Variants in TRPM3 observed in about 807,000 individuals in gnomAD.
TRPM3 encodes long transient receptor potential channel 3.
Under a neutral mutation model 181.2 loss-of-function variants are expected in TRPM3, and 77 were observed. The observed-to-expected ratio is 0.42, with a 90% confidence interval of 0.35 to 0.51. The LOEUF (loss-of-function observed/expected upper bound fraction) is 0.51, where lower values mean the gene tolerates loss of function less well. Among genes scored for constraint, TRPM3 ranks in the 20% least tolerant of loss-of-function variants. The probability of loss-of-function intolerance (pLI) is 0.01; values close to 1 mark genes in which losing one functional copy is unlikely to be tolerated. For synonymous variants in TRPM3, 745 were observed against 796.4 expected (o/e 0.94, Z 1.09); for missense variants, 1,759 against 2,196.7 (o/e 0.80, Z 3.98).
intron 1 of TRPM3, among the ~76,000 whole-genome samples, chr9:71,091,544 A>G (rs142095318): frequency 2.4e-4 from 37 of 152,232 alleles, no homozygotes; most frequent in Middle Eastern, 6.8e-3. Context: ...ACCTTGAGCC[A>G]CAAGAGGGGA....
intron 1 of TRPM3, among the ~76,000 whole-genome samples, chr9:71,311,906 A>T (rs1797218902): frequency 6.6e-6 from 1 of 152,182 alleles, no homozygotes; most frequent in African/African-American, 2.4e-5. Flanking sequence ...CAAAGATTCA[A>T]AAAATCTCAT....
intron 1 of TRPM3, among the ~76,000 whole-genome samples, chr9:70,911,732 T>C (rs1271803695): frequency 6.6e-6 from 1 of 152,176 alleles, no homozygotes; most frequent in South Asian, 2.1e-4. Flanking sequence ...GATTCTAGTT[T>C]CTAAATATGT....
intron 1 of TRPM3, among the ~76,000 whole-genome samples, chr9:70,988,202 A>G (rs2134094082): frequency 6.6e-6 from 1 of 152,312 alleles, no homozygotes; most frequent in African/African-American, 2.4e-5. Flanking sequence ...CTAGTGAATC[A>G]GAGCCTAGAA....
intron 1 of TRPM3, among the ~76,000 whole-genome samples, chr9:71,079,788 C>T (rs1254403151): frequency 6.6e-6 from 1 of 152,056 alleles, no homozygotes; most frequent in Admixed American, 6.6e-5. Flanking sequence ...ATTAGAAAGG[C>T]TCCTATATCC....
intron 1 of TRPM3, among the ~76,000 whole-genome samples, chr9:71,325,174 CATT>C (rs1004982192): frequency 6.6e-6 from 1 of 152,004 alleles, no homozygotes; most frequent in Non-Finnish European, 1.5e-5. Context: ...GTAACAAATA[CATT>C]ATTAGTATTT....
At chr9:71,104,963 T>C (rs1211022286) in intron 1 of TRPM3, among the ~76,000 whole-genome samples, 1 of 152,216 alleles carries the variant, frequency 6.6e-6, no homozygotes, top group Non-Finnish European at 1.5e-5. Flanking sequence ...ACCTACTCTA[T>C]AATCCAGCAA....
At chr9:70,666,197 C>T (rs924020172) in intron 9 of TRPM3, among the ~76,000 whole-genome samples, 11 of 152,208 alleles carry the variant, frequency 7.2e-5, no homozygotes, top group South Asian at 2.1e-4. Flanking sequence ...GGTGACATGA[C>T]GGCAGTTCCA....
intron 1 of TRPM3, among the ~76,000 whole-genome samples, chr9:70,965,913 C>T (rs2097180299): frequency 6.6e-6 from 1 of 151,608 alleles, no homozygotes; most frequent in African/African-American, 2.4e-5. Context: ...AACTAAAGAG[C>T]TTCTATACGG....
intron 1 of TRPM3, among the ~76,000 whole-genome samples, chr9:70,903,369 T>C (rs1416503359): frequency 2.0e-5 from 3 of 152,176 alleles, no homozygotes; most frequent in Non-Finnish European, 4.4e-5. Context: ...TGGGGATTAG[T>C]GCCACTGTAT....
Position 71,255,332 on chromosome 9 carries a change from A to C in TRPM3, c.183+191321T>G, listed in dbSNP as rs558853452. Among the ~76,000 whole-genome samples, 36 of 152,336 alleles carry C rather than the reference A, an allele frequency of 2.4e-4. No homozygotes were observed. The East Asian group carries it at 6.0e-3, about 25-fold the overall frequency. On this transcript the variant is annotated intron_variant, in intron 1 of 24. Transcript: ENST00000357533. ...CCTGTACTAAGAAACAAAAGTAAACAAAAATTTTAAAAGAATGCTTTAATT... is the reference window on the plus strand; with the variant it reads ...CCTGTACTAAGAAACAAAAGTAAACCAAAATTTTAAAAGAATGCTTTAATT...
chr9:70,558,883 A>G (rs1336769441), intron 22 of TRPM3, among the ~76,000 whole-genome samples: 1 of 152,214 alleles, frequency 6.6e-6, no homozygotes, highest in Admixed American at 6.5e-5. Context: ...GACACATCAC[A>G]TGGCAGAAGC....
chr9:70,980,409 G>A (rs1262205429), intron 1 of TRPM3, among the ~76,000 whole-genome samples: 1 of 152,082 alleles, frequency 6.6e-6, no homozygotes, highest in Non-Finnish European at 1.5e-5. Context: ...GGCCAGCTGG[G>A]AGGGTTCTTG....
intron 18 of TRPM3, among the ~76,000 whole-genome samples, chr9:70,614,356 C>T (rs1029874414): frequency 3.3e-5 from 5 of 151,402 alleles, no homozygotes; most frequent in Admixed American, 2.0e-4. Context: ...GTGGTGTGCA[C>T]CTGCATTCCC....
intron 6 of TRPM3, chr9:70,811,083 T>G: frequency 9.3e-7 from 1 of 1,077,478 alleles, no homozygotes; most frequent in Non-Finnish European, 1.4e-6. Flanking sequence ...GTGATACTGT[T>G]AGGAAATTAT....
chr9:70,535,984 G>A lies in TRPM3; in HGVS notation c.5129C>T (p.Ala1710Val). 6.2e-7 allele frequency: 1 copy of A among 1,607,632 alleles called. No homozygotes were observed. Among genetic ancestry groups the A allele is most frequent in the South Asian group, 1.1e-5 (1 of 89,906 alleles). ...GTGCTTGCTTTCAAAGCTTTGGAAA[G>A]CCGATGTTCTGGACAGTCTCCTCAT... The part of the protein sequence containing the change: ...LSMRRLSRTS[A>V]FQSFESKHN Residue 1710 changes from alanine (A) to valine (V), a missense_variant, in exon 26 of 26, where the codon GCT becomes GTT. Ala to Val is a moderately conservative substitution (Grantham distance 64). Coordinates refer to ENST00000677713, the MANE Select transcript of TRPM3 (RefSeq NM_001366145.2).
chr9:70,548,043 C>T (rs756061304), intron 25 of TRPM3, among the ~76,000 whole-genome samples: 2 of 152,180 alleles, frequency 1.3e-5, no homozygotes, highest in African/African-American at 4.8e-5. Flanking sequence ...CTCTCTTTCC[C>T]TCCAGGTCTA....
At chr9:70,570,467 C>T (rs1198765481) in intron 22 of TRPM3, among the ~76,000 whole-genome samples, 4 of 152,024 alleles carry the variant, frequency 2.6e-5, no homozygotes, top group Non-Finnish European at 5.9e-5. Context: ...CGCCACCACG[C>T]CCAGCTAATT....
intron 1 of TRPM3, among the ~76,000 whole-genome samples, chr9:71,222,414 A>G (rs2080295996): frequency 6.6e-6 from 1 of 152,194 alleles, no homozygotes; most frequent in African/African-American, 2.4e-5. Flanking sequence ...GAGCCTGACC[A>G]TGCGTCATTC....
chr9:70,932,452 C>T (rs1047964934), intron 1 of TRPM3, among the ~76,000 whole-genome samples: 6 of 152,018 alleles, frequency 3.9e-5, no homozygotes, highest in South Asian at 2.1e-4. Flanking sequence ...TACTTTGGAG[C>T]TTAAGATCTC....
Sources: allele counts gnomAD v4.1 joint callset (sites outside exome capture counted in the v4.1 genomes callset), GRCh38; gene constraint gnomAD v4.1.1; transcripts MANE v1.5; gene names NCBI Gene and HGNC (gene_info 2026-07-23, HGNC 2026-07-21).